The following MRPL48 variants were observed in gnomAD, a reference collection of about 807,000 sequenced individuals.
MRPL48 encodes the protein mitochondrial ribosomal protein L48, also known as large ribosomal subunit protein mL48.
MRPL48 carries 16 observed loss-of-function variants against 32.9 expected under a neutral mutation model. The ratio of observed to expected loss-of-function variants is 0.49; its 90% confidence interval spans 0.33 to 0.74. MRPL48 has a LOEUF of 0.74. Among genes scored for constraint, MRPL48 ranks in the 30% least tolerant of loss-of-function variants. The pLI, the probability that MRPL48 is intolerant of heterozygous loss-of-function variation, is 0.02. For missense variants in MRPL48, 206 were observed against 245.3 expected (o/e 0.84, Z 1.07); for synonymous variants, 94 against 89.2 (o/e 1.05, Z -0.31).
chr11:73,829,591 C>T (rs1470948584), intron 4 of MRPL48, among the ~76,000 whole-genome samples: 5 of 152,040 alleles, frequency 3.3e-5, no homozygotes, highest in Non-Finnish European at 4.4e-5. Flanking sequence ...GCTAGTCTTC[C>T]GGTCCTGGGT....
intron 1 of MRPL48, among the ~76,000 whole-genome samples, chr11:73,790,338 G>A (rs1287135082): frequency 2.2e-5 from 3 of 135,238 alleles, no homozygotes; most frequent in Non-Finnish European, 4.7e-5. Flanking sequence ...GCCTCCCAAA[G>A]TGTTGGGATT....
intron 1 of MRPL48, among the ~76,000 whole-genome samples, chr11:73,796,379 G>C (rs1947254528): frequency 1.3e-5 from 2 of 152,238 alleles, no homozygotes; most frequent in Admixed American, 6.5e-5. Context: ...CTGGGGCCAA[G>C]CCCAGGTACT....
At chr11:73,863,091 A>G in intron 6 of MRPL48, 81 bp from the exon 7 acceptor site, 6 of 1,248,392 alleles carry the variant, frequency 4.8e-6, no homozygotes, top group Non-Finnish European at 6.9e-6. Flanking sequence ...TGGAGCTGGC[A>G]TTTGAACCCA....
chr11:73,826,171 C>A (rs1025549106), intron 4 of MRPL48, among the ~76,000 whole-genome samples: 1 of 151,836 alleles, frequency 6.6e-6, no homozygotes, highest in East Asian at 1.9e-4. Context: ...TTCTTGCCAC[C>A]ATGCCCATCT....
At chr11:73,823,654 G>GTTTTTTTTTTTTTT (rs57616234) in intron 3 of MRPL48, among the ~76,000 whole-genome samples, 2 of 105,688 alleles carry the variant, frequency 1.9e-5, no homozygotes, top group Admixed American at 1.0e-4. Context: ...TTTCTTTTCT[G>GTTTTTTTTTTTTTT]TTTTTTTTTT....
intron 4 of MRPL48, among the ~76,000 whole-genome samples, chr11:73,841,304 G>C (rs1948182043): frequency 6.6e-6 from 1 of 152,154 alleles, no homozygotes; most frequent in African/African-American, 2.4e-5. Flanking sequence ...ACCCCCAACA[G>C]AAATGCATAC....
rs540062846 is a variant in MRPL48, at chr11:73,859,259, C to G, written c.372-648C>G. 1.2e-4 allele frequency among the ~76,000 whole-genome samples: 18 copies of G among 151,696 alleles called. 1 individual carries two copies. The South Asian group carries it at 3.6e-3, about 30-fold the overall frequency. On this transcript the variant is annotated intron_variant, in intron 5 of 7. Transcript: ENST00000310614. ...AGCATACCTAGTGATGAGCTTGATT[C>G]TTTTTTCTTTTTCTTTTCTTTTCTT... is the stretch of plus-strand genomic sequence containing the variant.
chr11:73,816,085 G>T (rs930023800), intron 3 of MRPL48, among the ~76,000 whole-genome samples: 5 of 150,430 alleles, frequency 3.3e-5, no homozygotes, highest in Admixed American at 2.0e-4. Flanking sequence ...TATTTGAGAG[G>T]GAGTCTTGCT....
chr11:73,857,587 CTTTT>C (rs56265503), intron 5 of MRPL48, among the ~76,000 whole-genome samples: 18 of 88,656 alleles, frequency 2.0e-4, no homozygotes, highest in African/African-American at 5.3e-4. Flanking sequence ...GCCGCATAGA[CTTTT>C]TTTTTTTTTT....
At chr11:73,863,114 C>T (rs1948611882) in intron 6 of MRPL48, 58 bp from the exon 7 acceptor site, 1 of 1,445,922 alleles carries the variant, frequency 6.9e-7, no homozygotes, top group African/African-American at 1.4e-5. Context: ...CCATGTCTGC[C>T]CAGTTACCTC....
chr11:73,857,792 C>T (rs1040669197), intron 5 of MRPL48, among the ~76,000 whole-genome samples: 12 of 151,682 alleles, frequency 7.9e-5, no homozygotes, highest in African/African-American at 2.9e-4. Context: ...ACAGTTTCAC[C>T]GTGTTGGTCA....
intron 3 of MRPL48, among the ~76,000 whole-genome samples, chr11:73,815,215 C>T (rs563347711): frequency 3.1e-4 from 47 of 151,260 alleles, no homozygotes; most frequent in Admixed American, 2.9e-3. Flanking sequence ...CAGGAGTTCA[C>T]GACCAGCCTG....
At chr11:73,790,374 CTTT>C (rs759628609) in intron 1 of MRPL48, among the ~76,000 whole-genome samples, 8 of 57,992 alleles carry the variant, frequency 1.4e-4, no homozygotes, top group African/African-American at 5.9e-4. Context: ...CGCACCCGGC[CTTT>C]TTTTTTTTTT....
intron 7 of MRPL48, 32 bp from the exon 8 acceptor site, chr11:73,864,264 A>T: frequency 6.3e-7 from 1 of 1,599,944 alleles, no homozygotes; most frequent in Non-Finnish European, 8.5e-7. Flanking sequence ...CTCTGCAGTA[A>T]TTACCGCTTA....
intron 1 of MRPL48, among the ~76,000 whole-genome samples, chr11:73,789,641 A>G (rs1468458884): frequency 6.6e-6 from 1 of 152,234 alleles, no homozygotes; most frequent in Non-Finnish European, 1.5e-5. Flanking sequence ...GATGATGCCC[A>G]CCACATGGAA....
chr11:73,788,134 G>A, intron 1 of MRPL48, 142 bp downstream of exon 1: 1 of 1,269,720 alleles, frequency 7.9e-7, no homozygotes, highest in Admixed American at 2.5e-5. Flanking sequence ...GTCCTTCCCA[G>A]CAGCACATGC....
rs1209991692 is a variant in MRPL48 at position 73,834,836 on chromosome 11, G to T, written c.201+9040G>T. Reference sequence around the variant, plus strand: ...AGGTGTGAGCCACCATGTCTGGCCTGTTTTTTTTTTTTTGAGACAGGATCT... The same window carrying T: ...AGGTGTGAGCCACCATGTCTGGCCTTTTTTTTTTTTTTTGAGACAGGATCT... On this transcript the variant is annotated intron_variant, in intron 4 of 7. Coordinates refer to ENST00000310614, the MANE Select transcript of MRPL48 (RefSeq NM_016055.6). Among the ~76,000 whole-genome samples the T allele has an allele frequency of 5.0e-3, 682 of 137,298 alleles. 15 individuals carry two copies. The highest frequency in any genetic ancestry group is 0.043 in the Admixed American group (588 of 13,752). 90.1% of individuals were successfully genotyped at this position (137,298 alleles called of 152,430 possible). A position where few individuals can be genotyped will look rare whatever the true frequency, so the allele number is the denominator to read the frequency against.
rs59389659 is a variant in MRPL48, at chr11:73,850,699, C to T, written c.371+5723C>T. 4.7e-3 allele frequency: 882 copies of T among 189,456 alleles called. 8 individuals carry two copies. Among genetic ancestry groups the T allele is most frequent in the African/African-American group, 0.025 (835 of 33,348 alleles). 11.7% of individuals were successfully genotyped at this position (189,456 alleles called of 1,614,324 possible). Reference sequence around the variant, plus strand: ...TACAATTTTTTTTTTTTTTTTGAAACGGAGTCTCGCTCTGTCGCCCAGGCT... The same window carrying T: ...TACAATTTTTTTTTTTTTTTTGAAATGGAGTCTCGCTCTGTCGCCCAGGCT... On this transcript the variant is annotated intron_variant, in intron 5 of 7. Transcript: ENST00000310614.
chr11:73,820,637 C>T (rs1317596782), intron 3 of MRPL48, among the ~76,000 whole-genome samples: 1 of 152,164 alleles, frequency 6.6e-6, no homozygotes, highest in African/African-American at 2.4e-5. Context: ...TTTACACATG[C>T]TGTTTCCTCT....
Sources: gnomAD v4.1 joint callset for allele counts (sites outside exome capture counted in the v4.1 genomes callset) on GRCh38, gnomAD v4.1.1 for gene constraint, MANE v1.5 for transcripts, NCBI Gene and HGNC (gene_info 2026-07-23, HGNC 2026-07-21) for gene names.